The following ALDH6A1 variants were observed in gnomAD, a reference collection of about 807,000 sequenced individuals.
The protein encoded by ALDH6A1 is methylmalonate-semialdehyde/malonate-semialdehyde dehydrogenase [acylating], mitochondrial.
Under a neutral mutation model 62.6 loss-of-function variants are expected in ALDH6A1, and 43 were observed. The ratio of observed to expected loss-of-function variants is 0.69; its 90% CI spans 0.54 to 0.89. The LOEUF (loss-of-function observed/expected upper bound fraction) is 0.89, where lower values mean the gene tolerates loss of function less well. Among genes scored for constraint, ALDH6A1 ranks in the 40% least tolerant of loss-of-function variants. The probability of loss-of-function intolerance (pLI) is 0.00; values close to 1 mark genes in which losing one functional copy is unlikely to be tolerated. For synonymous variants in ALDH6A1, 194 were observed against 234.2 expected (o/e 0.83, Z 1.57); for missense variants, 551 against 661.3 (o/e 0.83, Z 1.83).
At chr14:74,084,255 A>G in intron 1 of ALDH6A1, 92 bp downstream of exon 1, 4 of 1,588,956 alleles carry the variant, frequency 2.5e-6, no homozygotes, top group Admixed American at 3.6e-5. Context: ...GGGTTGGGCC[A>G]AGAAGGTGGT....
chr14:74,069,101 CTTTTTTT>C (rs900873855), intron 6 of ALDH6A1, 120 bp from the exon 7 acceptor site: 101 of 461,958 alleles, frequency 2.2e-4, no homozygotes, highest in Middle Eastern at 8.3e-4. Context: ...TTTACTTTTT[CTTTTTTT>C]TTTTTTTTTT....
At position 74,074,946 on chromosome 14, in the gene ALDH6A1, T is replaced by C. The variant is rs2060595848; in HGVS notation, c.111+9A>G. The C allele has an allele frequency of 6.2e-7, 1 of 1,613,570 alleles. No individual in the cohort carries two copies. The highest frequency in any genetic ancestry group is 1.3e-5 in the African/African-American group (1 of 74,884). On this transcript the variant is annotated intron_variant, in intron 2 of 11. Transcript: ENST00000553458. ...CTCAGAAGTCAACCTCTATGCCAAA[T>C]AAACTCACCACTGAAGAAGAGAAGG...
intron 1 of ALDH6A1, among the ~76,000 whole-genome samples, chr14:74,079,195 G>A (rs892111559): frequency 1.3e-5 from 2 of 151,588 alleles, no homozygotes; most frequent in East Asian, 3.9e-4. Context: ...AAAAAAAGGT[G>A]GCTGGGCACA....
intron 2 of ALDH6A1, among the ~76,000 whole-genome samples, 177 bp from the exon 3 acceptor site, chr14:74,072,788 C>CTG (rs1221006952): frequency 6.6e-6 from 1 of 151,974 alleles, no homozygotes; most frequent in Non-Finnish European, 1.5e-5. Flanking sequence ...CCTATCTATT[C>CTG]TGTGTGTGTG....
intron 1 of ALDH6A1, among the ~76,000 whole-genome samples, chr14:74,076,968 C>T (rs1169354977): frequency 6.6e-6 from 1 of 152,152 alleles, no homozygotes; most frequent in East Asian, 1.9e-4. Context: ...TTTATCTTGC[C>T]TGAAAAGGGA....
intron 1 of ALDH6A1, among the ~76,000 whole-genome samples, chr14:74,083,976 T>A (rs924019039): frequency 1.3e-5 from 2 of 152,058 alleles, no homozygotes; most frequent in Non-Finnish European, 2.9e-5. Context: ...AAAGAGTAGT[T>A]TCTGGGGGAG....
chr14:74,079,529 G>A (rs2060650851), intron 1 of ALDH6A1, among the ~76,000 whole-genome samples: 1 of 151,486 alleles, frequency 6.6e-6, no homozygotes. Flanking sequence ...CGCCTCCTGG[G>A]TTCACACCTT....
At chr14:74,079,235 G>C (rs1029160540) in intron 1 of ALDH6A1, among the ~76,000 whole-genome samples, 1 of 151,514 alleles carries the variant, frequency 6.6e-6, no homozygotes, top group South Asian at 2.1e-4. Flanking sequence ...CCAGCACTTT[G>C]GGAGGCTGAG....
Position 74,069,074 on chromosome 14 carries a change from T to C in ALDH6A1, c.731-93A>G, listed in dbSNP as rs1335450289. 6.1e-6 allele frequency: 8 copies of C among 1,311,680 alleles called. No homozygotes were observed. The African/African-American group carries it at 1.2e-4, about 20-fold the overall frequency. 81.3% of individuals were successfully genotyped at this position (1,311,680 alleles called of 1,614,324 possible). ...TTTCCCCACTGCTATGGATTTGAAGTTTTCCTGTGTTTTTCTTTTACTTTT... is the reference window on the plus strand; with the variant it reads ...TTTCCCCACTGCTATGGATTTGAAGCTTTCCTGTGTTTTTCTTTTACTTTT... On this transcript the variant is annotated intron_variant, in intron 6 of 11. Coordinates refer to ENST00000553458, the MANE Select transcript of ALDH6A1 (RefSeq NM_005589.4).
At position 74,065,213 on chromosome 14, in the gene ALDH6A1, G is replaced by A. The variant is rs756621510; in HGVS notation, c.1372C>T (p.Arg458Trp). The change falls in exon 10 of 12, where the codon CGG (arginine) becomes TGG (tryptophan). Residue 458 changes from arginine to tryptophan, a missense_variant. Arg to Trp is a moderately radical substitution (Grantham distance 101). Coordinates refer to ENST00000553458, the MANE Select transcript of ALDH6A1 (RefSeq NM_005589.4). ...AIFTTNGATA[R>W]KYAHLVDVGQ... ...ACATCCACCAAGTGGGCATATTTCCGAGCAGTGGCTCCATTGGTGGTGAAG... is the reference window on the plus strand; with the variant it reads ...ACATCCACCAAGTGGGCATATTTCCAAGCAGTGGCTCCATTGGTGGTGAAG... 9 of 1,613,938 alleles carry A rather than the reference G, an allele frequency of 5.6e-6. No homozygotes were observed. Among genetic ancestry groups the A allele is most frequent in the South Asian group, 2.2e-5 (2 of 91,060 alleles).
intron 1 of ALDH6A1, 79 bp from the exon 2 acceptor site, chr14:74,075,096 T>A: frequency 7.7e-7 from 1 of 1,302,716 alleles, no homozygotes; most frequent in Non-Finnish European, 1.1e-6. Flanking sequence ...TACTATATGC[T>A]ATTTGCTATA....
At chr14:74,065,555 A>T in intron 9 of ALDH6A1, 195 bp from the exon 10 acceptor site, 1 of 594,374 alleles carries the variant, frequency 1.7e-6, no homozygotes, top group South Asian at 2.0e-5. Context: ...GTTACCAATC[A>T]TATAAACAAC....
At chr14:74,071,063 A>G in intron 6 of ALDH6A1, 132 bp downstream of exon 6, 1 of 947,596 alleles carries the variant, frequency 1.1e-6, no homozygotes, top group Non-Finnish European at 1.7e-6. Flanking sequence ...TCATCAACAA[A>G]CATGGAGGTT....
intron 1 of ALDH6A1, among the ~76,000 whole-genome samples, chr14:74,080,510 G>T (rs1198796319): frequency 1.3e-5 from 2 of 151,784 alleles, no homozygotes; most frequent in Non-Finnish European, 2.9e-5. Context: ...TGGGACCACA[G>T]GTGCACACGA....
In ALDH6A1 at chr14:74,065,100, A is replaced by G. The variant is rs575169761; in HGVS notation, c.1404+81T>C. On this transcript the variant is annotated intron_variant, in intron 10 of 11. Transcript: ENST00000553458. ...GAGGTCATGGGGGCAATCTTAAACC[A>G]ATGACTCACCATTATTTACTGTTTC... 31 of 1,543,676 alleles carry G rather than the reference A, an allele frequency of 2.0e-5. No homozygotes were observed. In the African/African-American group the frequency reaches 3.8e-4, roughly 19 times the overall value.
intron 9 of ALDH6A1, 53 bp downstream of exon 9, chr14:74,066,652 A>G (rs2060470893): frequency 2.0e-6 from 3 of 1,506,170 alleles, no homozygotes; most frequent in African/African-American, 1.4e-5. Flanking sequence ...ATGAGATTCT[A>G]TAGCCTTTAA....
intron 1 of ALDH6A1, among the ~76,000 whole-genome samples, chr14:74,080,681 G>A (rs1276978203): frequency 2.6e-5 from 4 of 152,060 alleles, no homozygotes; most frequent in African/African-American, 4.8e-5. Context: ...AGCCTCAAGC[G>A]ATCCTCCTGC....
chr14:74,069,030 C>T (rs774328066), intron 6 of ALDH6A1, 49 bp from the exon 7 acceptor site: 11 of 1,581,026 alleles, frequency 7.0e-6, no homozygotes, highest in Middle Eastern at 1.7e-4. Flanking sequence ...AATGGATTCT[C>T]AACATGGCAA....
At chr14:74,082,968 G>A (rs1441207222) in intron 1 of ALDH6A1, 1 of 152,116 alleles carries the variant, frequency 6.6e-6, no homozygotes, top group African/African-American at 2.4e-5. Context: ...GCCAATTTCA[G>A]TAAAAGATTT....
Sources: allele counts gnomAD v4.1 joint callset (sites outside exome capture counted in the v4.1 genomes callset), GRCh38; gene constraint gnomAD v4.1.1; transcripts MANE v1.5; gene names NCBI Gene and HGNC (gene_info 2026-07-23, HGNC 2026-07-21).